Variants in SEC16B observed in about 807,000 individuals in gnomAD.
SEC16B encodes the protein protein transport protein Sec16B.
A neutral mutation model predicts 141.8 loss-of-function variants in SEC16B; 115 were observed. The observed-to-expected ratio is 0.81, with a 90% CI of 0.70 to 0.95. The LOEUF is 0.95. Ranked by LOEUF, SEC16B falls within the 40% of genes least tolerant of loss-of-function variation. The pLI is 0.00. For synonymous variants in SEC16B, 493 were observed against 492.5 expected (o/e 1.00, Z -0.01); for missense variants, 1,291 against 1,312.3 (o/e 0.98, Z 0.25).
intron 6 of SEC16B, chr1:177,961,147 G>T (rs2101982955): frequency 1.8e-6 from 1 of 562,786 alleles, no homozygotes. Context: ...CAATGCGTGG[G>T]CTTGATGATT....
intron 1 of SEC16B, among the ~76,000 whole-genome samples, chr1:177,977,711 T>C (rs1654231149): frequency 6.6e-6 from 1 of 152,186 alleles, no homozygotes; most frequent in African/African-American, 2.4e-5. Context: ...TGATCTTGTT[T>C]ATATCTCCTT....
chr1:177,937,196 C>G lies in SEC16B; in HGVS notation c.2503+18G>C. On this transcript the variant is annotated intron_variant, in intron 19 of 25. Coordinates refer to ENST00000308284, the MANE Select transcript of SEC16B (RefSeq NM_033127.4). ...AGACCCTACATTCAATGTGGCCACC[C>G]TAGCGGCCAGGTCTTACCAGGGCCC... is the stretch of plus-strand genomic sequence containing the variant. 6.3e-7 allele frequency: 1 copy of G among 1,590,654 alleles called. No homozygotes were observed. The highest frequency in any genetic ancestry group is 8.6e-7 in the Non-Finnish European group (1 of 1,168,584).
At chr1:177,930,836 T>C (rs1650363148) in intron 24 of SEC16B, among the ~76,000 whole-genome samples, 193 bp from the exon 25 acceptor site, 1 of 151,990 alleles carries the variant, frequency 6.6e-6, no homozygotes, top group African/African-American at 2.4e-5. Flanking sequence ...ATGAAAAAAA[T>C]GTTCAACATC....
At chr1:177,933,400 C>T in intron 21 of SEC16B, 84 bp downstream of exon 21, 4 of 1,561,788 alleles carry the variant, frequency 2.6e-6, no homozygotes, top group Non-Finnish European at 3.5e-6. Context: ...ACCATCAGAG[C>T]CCAGACTTCC....
At chr1:177,972,256 C>T (rs1653991963), upstream of SEC16B, among the ~76,000 whole-genome samples, 1 of 152,148 alleles carries the variant, frequency 6.6e-6, no homozygotes, top group Non-Finnish European at 1.5e-5. Flanking sequence ...ATATGGGTCA[C>T]AAAATTAACT....
chr1:177,948,435 C>A (rs1651908520), intron 12 of SEC16B: 1 of 1,304,162 alleles, frequency 7.7e-7, no homozygotes, highest in African/African-American at 1.5e-5. Context: ...TCACACACAT[C>A]CTCTTAATCT....
chr1:177,967,742 A>C lies in SEC16B; in HGVS notation c.240T>G (p.His80Gln), dbSNP rs1653655130. Reference sequence around the variant, plus strand: ...AATAGTCAACTCCAGACACAGGCTGATGCCAGTCCCCTGGCCTGGATGCAT... The same window carrying C: ...AATAGTCAACTCCAGACACAGGCTGCTGCCAGTCCCCTGGCCTGGATGCAT... ...PHYASRPGDWHQPVSGVDYYE... is the reference protein window; with the variant it reads ...PHYASRPGDWQQPVSGVDYYE... Residue 80 changes from histidine to glutamine, a missense_variant, in exon 2 of 26, where the codon CAT becomes CAG. His to Gln is a conservative substitution (Grantham distance 24). Coordinates refer to ENST00000308284, the MANE Select transcript of SEC16B (RefSeq NM_033127.4). 1 of 1,613,530 alleles carries C rather than the reference A, an allele frequency of 6.2e-7. No homozygotes were observed. The highest frequency in any genetic ancestry group is 1.3e-5 in the African/African-American group (1 of 74,936).
At chr1:177,940,237 C>T (rs112821606) in intron 17 of SEC16B, among the ~76,000 whole-genome samples, 44 of 152,296 alleles carry the variant, frequency 2.9e-4, no homozygotes, top group African/African-American at 1.1e-3. Flanking sequence ...GCAATTGCCC[C>T]ACATTACATG....
chr1:177,948,565 T>A, intron 12 of SEC16B: 1 of 1,303,920 alleles, frequency 7.7e-7, no homozygotes, highest in Non-Finnish European at 1.0e-6. Context: ...CAAAAAAGAG[T>A]AAGCAGCGTG....
intron 1 of SEC16B, among the ~76,000 whole-genome samples, chr1:177,979,322 G>A (rs1481390951): frequency 6.6e-6 from 1 of 152,112 alleles, no homozygotes; most frequent in Admixed American, 6.6e-5. Context: ...TGACAAATGG[G>A]ACAAGTTCTC....
chr1:177,948,935 AC>A (rs1478848460), intron 12 of SEC16B, among the ~76,000 whole-genome samples: 3 of 151,916 alleles, frequency 2.0e-5, no homozygotes, highest in African/African-American at 7.3e-5. Context: ...ACACACACAC[AC>A]ACACACACAC....
At position 177,933,552 on chromosome 1, in the gene SEC16B, C is replaced by T. The variant is rs772728174; in HGVS notation, c.2656G>A (p.Ala886Thr). The T allele has an allele frequency of 1.1e-5, 17 of 1,614,012 alleles. No homozygotes were observed. Among genetic ancestry groups the T allele is most frequent in the Non-Finnish European group, 1.4e-5 (17 of 1,179,888 alleles). Residue 886 changes from alanine to threonine, a missense_variant, in exon 21 of 26, where the codon GCT becomes ACT. Around this residue, in one of 3 missense-constraint regions of SEC16B, gnomAD observed 605 missense variants for 614.1 expected, o/e 0.99. Coordinates refer to ENST00000308284, the MANE Select transcript of SEC16B (RefSeq NM_033127.4). ...GTATTTCGGGGAGAGTTTTTATCAG[C>T]CTCATCAGAGGACTCCTTCTCATCC... ...KEDEKESSDE[A>T]DKNSPRNTAQ...
chr1:177,952,915 C>CA (rs774880537), intron 11 of SEC16B, among the ~76,000 whole-genome samples: 2 of 151,996 alleles, frequency 1.3e-5, no homozygotes, highest in African/African-American at 2.4e-5. Context: ...GTGGAGTCGT[C>CA]ATGAGACTCA....
intron 3 of SEC16B, among the ~76,000 whole-genome samples, 165 bp downstream of exon 3, chr1:177,965,718 CCTTTATATCT>C (rs1400078154): frequency 2.0e-5 from 3 of 152,152 alleles, no homozygotes; most frequent in African/African-American, 7.2e-5. Flanking sequence ...GAAAACAACT[CCTTTATATCT>C]CTTCTCAGGA....
At position 177,937,525 on chromosome 1, in the gene SEC16B, G is replaced by A. The variant is rs1448826575; in HGVS notation, c.2204-12C>T. 20 of 1,504,158 alleles carry A rather than the reference G, an allele frequency of 1.3e-5. No individual in the cohort carries two copies. The highest frequency in any genetic ancestry group is 1.7e-5 in the Non-Finnish European group (19 of 1,126,148). The allele number at this position is 1,504,158 out of a possible 1,614,324, so 93.2% of individuals were successfully genotyped here. A position where few individuals can be genotyped will look rare whatever the true frequency, so the allele number is the denominator to read the frequency against. ...GTAGAAAGTGTTTTCTAAGGACGTG[G>A]AACAAAGGTAAAGAAGTCAGACCTG... is the stretch of plus-strand genomic sequence containing the variant. On this transcript the variant is annotated splice_polypyrimidine_tract_variant and intron_variant, in intron 18 of 25. Transcript: ENST00000308284.
intron 1 of SEC16B, among the ~76,000 whole-genome samples, chr1:177,977,546 T>G (rs540935415): frequency 6.6e-6 from 1 of 152,324 alleles, no homozygotes; most frequent in Admixed American, 6.5e-5. Context: ...CAGCTCCATA[T>G]AGAAACACAA....
In SEC16B at chr1:177,958,184, G is replaced by A; in HGVS notation, c.1313C>T (p.Pro438Leu). 1 of 1,594,882 alleles carries A rather than the reference G, an allele frequency of 6.3e-7. No individual in the cohort carries two copies. The highest frequency in any genetic ancestry group is 8.5e-7 in the Non-Finnish European group (1 of 1,169,802). The change falls in exon 10 of 26, where the codon CCT becomes CTT. Residue 438 changes from proline (P) to leucine (L), a missense_variant. This residue lies in a region of SEC16B where 681 missense variants were observed against 675.5 expected (regional missense o/e 1.01). Coordinates refer to ENST00000308284, the MANE Select transcript of SEC16B (RefSeq NM_033127.4). Reference protein sequence around the residue: ...TGEIPPSVETPAQIVEKFTRL... With the variant: ...TGEIPPSVETLAQIVEKFTRL... ...AGTGAATTTCTCCACGATCTGCGCA[G>A]GTGTCTCCACACTGGGGGGGATCTC...
intron 1 of SEC16B, among the ~76,000 whole-genome samples, chr1:177,982,976 T>C (rs1204988428): frequency 1.3e-5 from 2 of 152,192 alleles, no homozygotes; most frequent in Non-Finnish European, 2.9e-5. Flanking sequence ...CCTATCAACA[T>C]TACACTGTAA....
At chr1:177,937,985 C>A (rs753770640) in intron 18 of SEC16B, among the ~76,000 whole-genome samples, 4 of 152,144 alleles carry the variant, frequency 2.6e-5, no homozygotes, top group African/African-American at 4.8e-5. Context: ...TACACAGAAC[C>A]TAAAGCCCTG....
Sources: allele counts gnomAD v4.1 joint callset (sites outside exome capture counted in the v4.1 genomes callset), GRCh38; gene constraint gnomAD v4.1.1; regional missense constraint gnomAD v4.1.1; transcripts MANE v1.5; gene names NCBI Gene and HGNC (gene_info 2026-07-23, HGNC 2026-07-21).